Variants in ZFHX4 observed in about 807,000 individuals in gnomAD.
The protein encoded by ZFHX4 is zinc finger homeobox 4.
A neutral mutation model predicts 267.6 loss-of-function variants in ZFHX4; 56 were observed. That is an observed-to-expected ratio of 0.21 (90% CI 0.17 to 0.26). The LOEUF (loss-of-function observed/expected upper bound fraction) is 0.26, where lower values mean the gene tolerates loss of function less well. Among genes scored for constraint, ZFHX4 ranks in the 10% least tolerant of loss-of-function variants. The pLI is 1.00. For missense variants in ZFHX4, 4,332 were observed against 4,420.0 expected, an observed-to-expected ratio of 0.98 and a Z score of 0.56; for synonymous variants, 1,778 against 1,665.6, an observed-to-expected ratio of 1.07 and a Z score of -1.64.
chr8:76,710,651 TAGC>T (rs1192981685), intron 3 of ZFHX4, among the ~76,000 whole-genome samples: 2 of 152,184 alleles, frequency 1.3e-5, no homozygotes, highest in African/African-American at 4.8e-5. Context: ...AAGTGACAAG[TAGC>T]AGTTATAAGA....
intron 3 of ZFHX4, among the ~76,000 whole-genome samples, chr8:76,775,689 G>T (rs1284935882): frequency 6.6e-6 from 1 of 152,088 alleles, no homozygotes; most frequent in Non-Finnish European, 1.5e-5. Context: ...CACTTCCTCT[G>T]CACCAGAGAA....
Position 76,852,253 on chromosome 8 carries a change from C to T in ZFHX4, c.5332C>T (p.Leu1778=), listed in dbSNP as rs764685203. The change falls in exon 10 of 11, where the codon CTA becomes TTA. Residue 1778 remains leucine (L), a synonymous_variant. Transcript: ENST00000651372. The part of the protein sequence containing the change: ...TGMAGSLLED[L]KQQIQTQHHV... ...AATGGCTGGCTCCTTGCTTGAAGAC[C>T]TAAAGCAGCAGATTCAAACCCAACA... is the stretch of plus-strand genomic sequence containing the variant. 1 of 1,601,828 alleles carries T rather than the reference C, an allele frequency of 6.2e-7. No homozygotes were observed. Among genetic ancestry groups the T allele is most frequent in the African/African-American group, 1.3e-5 (1 of 74,708 alleles).
At position 76,705,903 on chromosome 8, in the gene ZFHX4, A is replaced by G; in HGVS notation, c.1815A>G (p.Gly605=). 2 of 1,613,646 alleles carry G rather than the reference A, an allele frequency of 1.2e-6. No homozygotes were observed. Among genetic ancestry groups the G allele is most frequent in the Non-Finnish European group, 1.7e-6 (2 of 1,179,848 alleles). ...CTCCTGGCACACCAGGGCCTGGAGG[A>G]GACGGCTCACCGGGCAGTGGCATCG... ...PSTPGTPGPG[G]DGSPGSGIEC... Residue 605 remains glycine, a synonymous_variant, in exon 2 of 11, where the codon GGA becomes GGG. Coordinates refer to ENST00000651372, the MANE Select transcript of ZFHX4 (RefSeq NM_024721.5).
intron 5 of ZFHX4, among the ~76,000 whole-genome samples, chr8:76,840,508 T>C (rs959488166): frequency 1.3e-5 from 2 of 152,194 alleles, no homozygotes; most frequent in African/African-American, 4.8e-5. Flanking sequence ...CCCTGCAAAA[T>C]CTCTCTGATG....
At chr8:76,736,436 T>C (rs1162052539) in intron 3 of ZFHX4, among the ~76,000 whole-genome samples, 1 of 152,162 alleles carries the variant, frequency 6.6e-6, no homozygotes, top group African/African-American at 2.4e-5. Flanking sequence ...TGGACAAGAA[T>C]GTCTTCTAAA....
intron 3 of ZFHX4, among the ~76,000 whole-genome samples, chr8:76,729,261 G>C (rs984309008): frequency 6.6e-6 from 1 of 151,958 alleles, no homozygotes; most frequent in African/African-American, 2.4e-5. Flanking sequence ...GAAATATCGT[G>C]TGTGCCTTCT....
At chr8:76,860,766 T>G (rs559349038) in intron 10 of ZFHX4, among the ~76,000 whole-genome samples, 1 of 152,268 alleles carries the variant, frequency 6.6e-6, no homozygotes, top group South Asian at 2.1e-4. Context: ...TTCCTTTAAC[T>G]GTCGAATGGA....
At chr8:76,744,602 A>G (rs553053369) in intron 3 of ZFHX4, among the ~76,000 whole-genome samples, 2 of 151,986 alleles carry the variant, frequency 1.3e-5, no homozygotes, top group South Asian at 4.2e-4. Context: ...TCGTAGAGAC[A>G]GGGTTTCACC....
At position 76,863,102 on chromosome 8, in the gene ZFHX4, C is replaced by A. The variant is rs1050517741; in HGVS notation, c.9388C>A (p.Pro3130Thr). ...GFPQNSNTLT[P>T]PGAGMLGFPT... ...TCTGTTGTTGTTTTCAGCTTTAACA[C>A]CTCCCGGTGCAGGCATGCTTGGGTT... The change falls in exon 11 of 11, where the codon CCT (proline) becomes ACT (threonine). Residue 3130 changes from proline to threonine, a missense_variant. Transcript: ENST00000651372. The A allele has an allele frequency of 2.0e-5, 31 of 1,512,618 alleles. No homozygotes were observed. The highest frequency in any genetic ancestry group is 2.7e-5 in the Non-Finnish European group (30 of 1,129,792). 93.7% of individuals were successfully genotyped at this position (1,512,618 alleles called of 1,614,324 possible). A position where few individuals can be genotyped will look rare whatever the true frequency, so the allele number is the denominator to read the frequency against.
intron 1 of ZFHX4, among the ~76,000 whole-genome samples, chr8:76,694,688 T>TCCCGCCCCCGCCTCTGCC (rs1192880192): frequency 2.6e-5 from 2 of 76,948 alleles, no homozygotes; most frequent in African/African-American, 5.1e-5. Context: ...CGCCCCCTGC[T>TCCCGCCCCCGCCTCTGCC]CCCGCCCCCG....
chr8:76,722,597 C>T (rs1299376477), intron 3 of ZFHX4, among the ~76,000 whole-genome samples: 1 of 149,478 alleles, frequency 6.7e-6, no homozygotes, highest in Non-Finnish European at 1.5e-5. Context: ...GACTTTCTCA[C>T]TTTTTATGTG....
chr8:76,701,758 T>C (rs1446210591), intron 1 of ZFHX4, among the ~76,000 whole-genome samples: 2 of 152,178 alleles, frequency 1.3e-5, no homozygotes, highest in Non-Finnish European at 2.9e-5. Context: ...TACAAAGCTG[T>C]AAAATGTTGA....
intron 3 of ZFHX4, among the ~76,000 whole-genome samples, chr8:76,752,330 G>A (rs1809635018): frequency 1.3e-5 from 2 of 150,674 alleles, no homozygotes; most frequent in Admixed American, 1.3e-4. Flanking sequence ...TGACTTAAAA[G>A]AGTATTAAAA....
At chr8:76,862,183 C>T (rs1375987289) in intron 10 of ZFHX4, among the ~76,000 whole-genome samples, 1 of 152,182 alleles carries the variant, frequency 6.6e-6, no homozygotes, top group Non-Finnish European at 1.5e-5. Context: ...TCAGCCACTA[C>T]ATTATACTGG....
Position 76,730,251 on chromosome 8 carries a change from A to G in ZFHX4, c.3093+22203A>G, listed in dbSNP as rs767565087. On this transcript the variant is annotated intron_variant, in intron 3 of 10. Coordinates refer to ENST00000651372, the MANE Select transcript of ZFHX4 (RefSeq NM_024721.5). ...GAAGGAACTGGTTTAGTTGTGGCCA[A>G]TAGAATGCTTTGTGACCACGTGAAC... 5.1e-4 allele frequency among the ~76,000 whole-genome samples: 78 copies of G among 152,194 alleles called. 2 individuals carry two copies. Among genetic ancestry groups the G allele is most frequent in the African/African-American group, 2.7e-4 (11 of 41,454 alleles).
In ZFHX4 at chr8:76,863,759, A is replaced by G; in HGVS notation, c.10045A>G (p.Thr3349Ala). 1 of 1,552,900 alleles carries G rather than the reference A, an allele frequency of 6.4e-7. No homozygotes were observed. Among genetic ancestry groups the G allele is most frequent in the East Asian group, 2.4e-5 (1 of 40,940 alleles). The change falls in exon 11 of 11, where the codon ACA becomes GCA. Residue 3349 changes from threonine to alanine, a missense_variant. Physicochemically the swap from Thr to Ala is moderately conservative, Grantham distance 58 (BLOSUM62 0). Around this residue, in one of 7 missense-constraint regions of ZFHX4, gnomAD observed 1,648 missense variants for 1,625.0 expected, o/e 1.01. Transcript: ENST00000651372. Reference protein sequence around the residue: ...EQQQKPVQAKTSKVESDQPQN... With the variant: ...EQQQKPVQAKASKVESDQPQN... ...GCAGCAGAAACCAGTTCAGGCAAAG[A>G]CATCCAAAGTAGAAAGTGACCAGCC...
At position 76,852,020 on chromosome 8, in the gene ZFHX4, A is replaced by G. The variant is rs1812541869; in HGVS notation, c.5099A>G (p.His1700Arg). 3 of 1,613,922 alleles carry G rather than the reference A, an allele frequency of 1.9e-6. No homozygotes were observed. Among genetic ancestry groups the G allele is most frequent in the Middle Eastern group, 1.6e-4 (1 of 6,084 alleles). ...SPAQIQMQLQ[H>R]ELQQQAAFFQ... ...GCACAAATTCAGATGCAACTACAGC[A>G]CGAATTACAACAGCAAGCCGCATTC... The change falls in exon 10 of 11, where the codon CAC (histidine) becomes CGC (arginine). Residue 1700 changes from histidine (H) to arginine (R), a missense_variant. By Grantham distance (29) the His-to-Arg change is conservative (BLOSUM62 0). Transcript: ENST00000651372.
rs199874527 is a variant in ZFHX4 at position 76,863,212 on chromosome 8, A to ACCTCCT, written c.9514_9519dup (p.Pro3172_Pro3173dup). The ACCTCCT allele has an allele frequency of 2.5e-6, 4 of 1,572,660 alleles. No homozygotes were observed. Among genetic ancestry groups the ACCTCCT allele is most frequent in the Non-Finnish European group, 3.5e-6 (4 of 1,158,908 alleles). On this transcript the variant is annotated inframe_insertion, in exon 11 of 11. Coordinates refer to ENST00000651372, the MANE Select transcript of ZFHX4 (RefSeq NM_024721.5). ...TGCTGCAGACTCCACCACCTCCACC[A>ACCTCCT]CCTCCTCCTCCTCCTCCTCCTTCAT...
chr8:76,832,338 T>G (rs899086541), intron 4 of ZFHX4, among the ~76,000 whole-genome samples: 1 of 152,198 alleles, frequency 6.6e-6, no homozygotes, highest in Non-Finnish European at 1.5e-5. Flanking sequence ...TCTATTACTG[T>G]TACTATTTAC....
Sources: gnomAD v4.1 joint callset for allele counts (sites outside exome capture counted in the v4.1 genomes callset) on GRCh38, gnomAD v4.1.1 for gene constraint, gnomAD v4.1.1 regional missense constraint, MANE v1.5 for transcripts, NCBI Gene and HGNC (gene_info 2026-07-23, HGNC 2026-07-21) for gene names.